SBF2: variants seen among roughly 807,000 people sequenced by gnomAD.
SBF2 encodes myotubularin-related protein 13.
In SBF2, 112 loss-of-function variants were observed where a neutral mutation model predicts 225.2. The observed-to-expected ratio is 0.50, with a 90% CI of 0.43 to 0.58. The LOEUF (loss-of-function observed/expected upper bound fraction) is 0.58. Ranked by LOEUF, SBF2 falls within the 20% of genes least tolerant of loss-of-function variation. The probability of loss-of-function intolerance (pLI) is 0.00; values close to 1 mark genes in which losing one functional copy is unlikely to be tolerated. For missense variants in SBF2, 1,996 were observed against 2,206.2 expected (o/e 0.90, Z 1.91); for synonymous variants, 763 against 773.3 (o/e 0.99, Z 0.22).
chr11:10,218,856 G>A (rs926882122), intron 1 of SBF2, among the ~76,000 whole-genome samples: 8 of 152,236 alleles, frequency 5.3e-5, no homozygotes, highest in Non-Finnish European at 1.2e-4. Context: ...TCCAGGCCAT[G>A]CTGATGCCAG....
chr11:9,805,408 C>A (rs1853753636), intron 32 of SBF2, among the ~76,000 whole-genome samples: 1 of 151,982 alleles, frequency 6.6e-6, no homozygotes, highest in African/African-American at 2.4e-5. Context: ...TGGATGTATC[C>A]CAGATTGTGT....
intron 13 of SBF2, among the ~76,000 whole-genome samples, chr11:9,988,340 T>A (rs925198632): frequency 6.6e-6 from 1 of 152,170 alleles, no homozygotes; most frequent in African/African-American, 2.4e-5. Context: ...CTTCTAGACA[T>A]TGGCTTAGGC....
intron 2 of SBF2, among the ~76,000 whole-genome samples, chr11:10,125,004 C>T (rs1013554970): frequency 6.6e-6 from 1 of 150,578 alleles, no homozygotes; most frequent in African/African-American, 2.4e-5. Context: ...ACTCAGGAGG[C>T]TGAGGCAGGA....
Position 10,209,052 on chromosome 11 carries a change from G to A in SBF2, c.56-15065C>T, listed in dbSNP as rs147818213. ...TTAATCTTCCTTAAACAAGAAATTC[G>A]TATCTGTTGCATAATGCAACTGGAC... On this transcript the variant is annotated intron_variant, in intron 1 of 39. Coordinates refer to ENST00000256190, the MANE Select transcript of SBF2 (RefSeq NM_030962.4). 1.9e-3 allele frequency among the ~76,000 whole-genome samples: 285 copies of A among 152,202 alleles called. 2 individuals are homozygous for A. The highest frequency in any genetic ancestry group is 6.3e-3 in the African/African-American group (260 of 41,574).
At chr11:9,793,263 C>T (rs1267694203) in intron 33 of SBF2, among the ~76,000 whole-genome samples, 2 of 152,146 alleles carry the variant, frequency 1.3e-5, no homozygotes, top group East Asian at 3.8e-4. Context: ...AAAACTGAGA[C>T]TCAGAGATGA....
At chr11:9,840,338 T>C (rs913590213) in intron 25 of SBF2, among the ~76,000 whole-genome samples, 1 of 151,890 alleles carries the variant, frequency 6.6e-6, no homozygotes, top group African/African-American at 2.4e-5. Context: ...GTATTATGTA[T>C]ATCACAAATT....
intron 16 of SBF2, among the ~76,000 whole-genome samples, chr11:9,949,248 T>C (rs1009192921): frequency 6.6e-6 from 1 of 152,210 alleles, no homozygotes; most frequent in African/African-American, 2.4e-5. Flanking sequence ...TGAGTCATCT[T>C]ATTAGTAAAA....
At chr11:9,799,384 T>C (rs1853345633) in intron 32 of SBF2, among the ~76,000 whole-genome samples, 1 of 152,184 alleles carries the variant, frequency 6.6e-6, no homozygotes, top group Non-Finnish European at 1.5e-5. Context: ...TTGGGGGCAC[T>C]ATGCATGTGT....
At chr11:9,831,317 T>A (rs573161789) in intron 27 of SBF2, among the ~76,000 whole-genome samples, 1 of 152,324 alleles carries the variant, frequency 6.6e-6, no homozygotes, top group East Asian at 1.9e-4. Context: ...TGTTCTAACA[T>A]ACCCACCAGG....
rs1851860242 is a variant in SBF2, at chr11:9,778,722, T to G, written c.*1696A>C. On this transcript the variant is annotated 3_prime_UTR_variant, in exon 40 of 40. Coordinates refer to ENST00000256190, the MANE Select transcript of SBF2 (RefSeq NM_030962.4). ...TTTAGTCCCATGTATGAATCCTGAG[T>G]GTTACCCTCCTGAATGCTGTGCACT... 1 of 152,626 alleles carries G rather than the reference T, an allele frequency of 6.6e-6. No individual in the cohort carries two copies. Among genetic ancestry groups the G allele is most frequent in the South Asian group, 2.1e-4 (1 of 4,836 alleles). The allele number at this position is 152,626 out of a possible 1,614,324, so 9.5% of individuals were successfully genotyped here. A position where few individuals can be genotyped will look rare whatever the true frequency, so the allele number is the denominator to read the frequency against.
chr11:9,981,115 C>A (rs1262829640), intron 13 of SBF2, among the ~76,000 whole-genome samples: 2 of 152,180 alleles, frequency 1.3e-5, no homozygotes, highest in Non-Finnish European at 2.9e-5. Context: ...TGACAAAGCA[C>A]TGACTAATAA....
At chr11:9,966,756 C>G (rs1448106534) in intron 14 of SBF2, among the ~76,000 whole-genome samples, 1 of 152,074 alleles carries the variant, frequency 6.6e-6, no homozygotes, top group Non-Finnish European at 1.5e-5. Context: ...AGTGAAATGA[C>G]CAATAGCACA....
chr11:9,799,773 C>T lies in SBF2; in HGVS notation c.4444-3816G>A, dbSNP rs558587119. On this transcript the variant is annotated intron_variant, in intron 32 of 39. Transcript: ENST00000256190. The stretch of plus-strand genomic sequence containing the variant: ...TACTTTCTCCATTGAGTCCTGCACC[C>T]CAGTGACTCAGTTTGTCCAGTTCAC... 7.9e-5 allele frequency among the ~76,000 whole-genome samples: 12 copies of T among 152,284 alleles called. No homozygotes were observed. The South Asian group carries it at 2.3e-3, about 29-fold the overall frequency.
chr11:10,167,810 G>C (rs1956032267), intron 2 of SBF2, among the ~76,000 whole-genome samples: 1 of 152,178 alleles, frequency 6.6e-6, no homozygotes, highest in South Asian at 2.1e-4. Flanking sequence ...CTGAGGTCAG[G>C]AGTTCAAGAC....
At chr11:9,970,968 ACTGCC>A (rs1867290034) in intron 13 of SBF2, among the ~76,000 whole-genome samples, 1 of 152,184 alleles carries the variant, frequency 6.6e-6, no homozygotes, top group African/African-American at 2.4e-5. Flanking sequence ...AGTGTCTAAA[ACTGCC>A]CTTTTCAAAA....
chr11:10,018,494 CAA>C (rs1565138787), intron 6 of SBF2, among the ~76,000 whole-genome samples: 1 of 152,122 alleles, frequency 6.6e-6, no homozygotes, highest in Non-Finnish European at 1.5e-5. Context: ...AAATTTTAGA[CAA>C]GAGAACTTTG....
chr11:9,962,239 G>T, intron 15 of SBF2, 133 bp from the exon 16 acceptor site: 1 of 681,796 alleles, frequency 1.5e-6, no homozygotes, highest in Non-Finnish European at 2.5e-6. Flanking sequence ...TAAACTCCTA[G>T]GGAATAGGTG....
chr11:9,808,991 T>A lies in SBF2; in HGVS notation c.4167A>T (p.Ile1389=). The A allele has an allele frequency of 6.2e-7, 1 of 1,613,678 alleles. No homozygotes were observed. Among genetic ancestry groups the A allele is most frequent in the Non-Finnish European group, 8.5e-7 (1 of 1,179,630 alleles). Residue 1389 remains isoleucine, a synonymous_variant, in exon 31 of 40, where the codon ATA becomes ATT. Transcript: ENST00000256190. ...DSEWFPQLHR[I]MQLAVVVSEV... ...CTGATACAACCACAGCCAGCTGCAT[T>A]ATCCTGTGAAGCTAAGAGACAGGAA...
intron 2 of SBF2, among the ~76,000 whole-genome samples, chr11:10,141,537 T>C (rs1376962675): frequency 6.6e-6 from 1 of 152,212 alleles, no homozygotes; most frequent in Admixed American, 6.5e-5. Flanking sequence ...TAGAAATCAT[T>C]TCTTTCAAAA....
Sources: allele counts gnomAD v4.1 joint callset (sites outside exome capture counted in the v4.1 genomes callset), GRCh38; gene constraint gnomAD v4.1.1; transcripts MANE v1.5; gene names NCBI Gene and HGNC (gene_info 2026-07-23, HGNC 2026-07-21).